Variants in MAP3K5 observed in about 807,000 individuals in gnomAD.
MAP3K5 encodes the protein mitogen-activated protein kinase kinase kinase 5, also known as ASK-1.
MAP3K5 carries 56 observed loss-of-function variants against 158.7 expected under a neutral mutation model. The ratio of observed to expected loss-of-function variants is 0.35; its 90% CI spans 0.28 to 0.44. The LOEUF is 0.44. MAP3K5 is among the 20% of genes least tolerant of loss of function. The probability of loss-of-function intolerance (pLI) is 1.00; values close to 1 mark genes in which losing one functional copy is unlikely to be tolerated. For missense variants in MAP3K5, 1,294 were observed against 1,674.8 expected, an observed-to-expected ratio of 0.77 and a Z score of 3.97; for synonymous variants, 579 against 601.7, an observed-to-expected ratio of 0.96 and a Z score of 0.55.
At chr6:136,696,298 A>G (rs1780597885) in intron 5 of MAP3K5, among the ~76,000 whole-genome samples, 1 of 152,238 alleles carries the variant, frequency 6.6e-6, no homozygotes, top group South Asian at 2.1e-4. Context: ...AAAACTAAAA[A>G]AGCAAAAGAA....
rs918710459 is a variant in MAP3K5, at chr6:136,613,613, T to G, written c.2279-357A>C. Reference sequence around the variant, plus strand: ...GCCTTATTATTTAAGGAATGTGACTTTGTGGCCTGAGTCATATAGCATTCA... The same window carrying G: ...GCCTTATTATTTAAGGAATGTGACTGTGTGGCCTGAGTCATATAGCATTCA... On this transcript the variant is annotated intron_variant, in intron 16 of 29. Transcript: ENST00000359015. This position sits in a 1 kb window ranked among gnomAD's most constrained non-coding sequence, Gnocchi z 4.0. Among the ~76,000 whole-genome samples, 1 of 152,146 alleles carries G rather than the reference T, an allele frequency of 6.6e-6. No homozygotes were observed. Among genetic ancestry groups the G allele is most frequent in the African/African-American group, 2.4e-5 (1 of 41,440 alleles).
At chr6:136,694,638 A>G (rs1214009315) in intron 6 of MAP3K5, among the ~76,000 whole-genome samples, 1 of 152,232 alleles carries the variant, frequency 6.6e-6, no homozygotes. Context: ...TTAGAGTTGT[A>G]GTCTGTGTCT....
chr6:136,724,844 T>C (rs1187090367), intron 1 of MAP3K5, among the ~76,000 whole-genome samples: 1 of 152,158 alleles, frequency 6.6e-6, no homozygotes, highest in Non-Finnish European at 1.5e-5. Flanking sequence ...TAATGGGCTT[T>C]GAAAAATGCG....
chr6:136,754,067 G>A (rs1019767185), intron 1 of MAP3K5, among the ~76,000 whole-genome samples: 4 of 150,946 alleles, frequency 2.6e-5, no homozygotes, highest in Admixed American at 6.6e-5. Flanking sequence ...GAGTCCAGGA[G>A]TTCAACACCA....
chr6:136,621,058 C>CA (rs1776776115), intron 15 of MAP3K5, among the ~76,000 whole-genome samples: 1 of 151,752 alleles, frequency 6.6e-6, no homozygotes, highest in Non-Finnish European at 1.5e-5. Context: ...CTTTTGATGG[C>CA]AAAAATGTAT....
chr6:136,750,196 G>A (rs754987160), intron 1 of MAP3K5, among the ~76,000 whole-genome samples: 5 of 152,122 alleles, frequency 3.3e-5, no homozygotes, highest in South Asian at 2.1e-4. Context: ...TCCTGCTCCA[G>A]CCTCTTGAAT....
At chr6:136,592,405 C>T in intron 22 of MAP3K5, 32 bp downstream of exon 22, 1 of 1,609,550 alleles carries the variant, frequency 6.2e-7, no homozygotes. Context: ...TAACAACACA[C>T]TTCTCTCACC....
intron 25 of MAP3K5, among the ~76,000 whole-genome samples, chr6:136,574,876 A>G (rs1774535993): frequency 6.6e-6 from 1 of 151,774 alleles, no homozygotes; most frequent in Admixed American, 6.6e-5. Context: ...TCTTTAGTAG[A>G]GATGGGGTTT....
At chr6:136,583,447 A>G in intron 24 of MAP3K5, 108 bp downstream of exon 24, 1 of 1,017,968 alleles carries the variant, frequency 9.8e-7, no homozygotes, top group Non-Finnish European at 1.4e-6. Context: ...TCCAAAAAGA[A>G]TAGAGTTCAC....
chr6:136,764,524 A>G (rs1783882521), intron 1 of MAP3K5, among the ~76,000 whole-genome samples: 1 of 152,186 alleles, frequency 6.6e-6, no homozygotes, highest in Non-Finnish European at 1.5e-5. Context: ...AGCTTTGTCA[A>G]ACCCCCAGAT....
intron 14 of MAP3K5, among the ~76,000 whole-genome samples, chr6:136,624,352 T>A (rs1408876177): frequency 2.0e-5 from 3 of 152,010 alleles, no homozygotes; most frequent in South Asian, 4.1e-4. Context: ...CAAAGAAAAA[T>A]ACACAAATAT....
Position 136,651,072 on chromosome 6 carries a change from G to A in MAP3K5, c.1700C>T (p.Thr567Ile), listed in dbSNP as rs777805034. The A allele has an allele frequency of 5.0e-6, 8 of 1,604,116 alleles. No homozygotes were observed. Among genetic ancestry groups the A allele is most frequent in the East Asian group, 4.5e-5 (2 of 44,734 alleles). Residue 567 changes from threonine (T) to isoleucine (I), a missense_variant, in exon 11 of 30, where the codon ACC becomes ATC. Coordinates refer to ENST00000359015, the MANE Select transcript of MAP3K5 (RefSeq NM_005923.4). Reference protein sequence around the residue: ...VRFPVLILEPTKIYQPSYLSI... With the variant: ...VRFPVLILEPIKIYQPSYLSI... ...CAAATAAGAAGGTTGATAGATTTTG[G>A]TTGGTTCTAATATTAATACCTTGAA...
Position 136,592,545 on chromosome 6 carries a change from C to T in MAP3K5, c.2948G>A (p.Gly983Asp), listed in dbSNP as rs1381998206. 1.2e-6 allele frequency: 2 copies of T among 1,613,876 alleles called. No homozygotes were observed. The highest frequency in any genetic ancestry group is 2.7e-5 in the African/African-American group (2 of 74,888). Residue 983 changes from glycine (G) to aspartate (D), a missense_variant, in exon 22 of 30, where the codon GGC becomes GAC. Around this residue, in one of 5 missense-constraint regions of MAP3K5, gnomAD observed 362 missense variants for 463.2 expected, o/e 0.78. Coordinates refer to ENST00000359015, the MANE Select transcript of MAP3K5 (RefSeq NM_005923.4). ...CAACTCCGTGTCGGGTGAAACTGAG[C>T]CGTACTCACTGCTGCTGCTGGTGTC... ...VEDTSSSSEY[G>D]SVSPDTELKV... is the part of the protein sequence containing the mutation.
intron 1 of MAP3K5, among the ~76,000 whole-genome samples, chr6:136,740,137 C>G (rs925380002): frequency 1.1e-4 from 16 of 152,188 alleles, no homozygotes; most frequent in African/African-American, 3.4e-4. Flanking sequence ...GGAGTAGAAT[C>G]AGACAGCTTT....
chr6:136,726,769 T>G (rs1781986936), intron 1 of MAP3K5, among the ~76,000 whole-genome samples: 1 of 152,188 alleles, frequency 6.6e-6, no homozygotes, highest in South Asian at 2.1e-4. Context: ...CAAATCACAA[T>G]TGCTCATTGC....
At position 136,791,846 on chromosome 6, in the gene MAP3K5, T is replaced by C. The variant is rs1265009989; in HGVS notation, c.312A>G (p.Gln104=). The C allele has an allele frequency of 1.9e-6, 3 of 1,613,856 alleles. No individual in the cohort carries two copies. The highest frequency in any genetic ancestry group is 3.3e-5 in the Admixed American group (2 of 60,032). Residue 104 remains glutamine (Q), a synonymous_variant, in exon 1 of 30, where the codon CAA becomes CAG. Transcript: ENST00000359015. ...AYVINEASQG[Q]LVVAESEALQ... is the part of the protein sequence containing the mutation. ...GGGCCTCGCTCTCGGCCACCACCAG[T>C]TGCCCTTGGCTCGCTTCGTTGATCA...
At chr6:136,624,964 A>G (rs912967881) in intron 14 of MAP3K5, among the ~76,000 whole-genome samples, 1 of 152,244 alleles carries the variant, frequency 6.6e-6, no homozygotes, top group African/African-American at 2.4e-5. Context: ...TAGGTAAAAT[A>G]AAACAGACAT....
Position 136,637,425 on chromosome 6 carries a change from C to A in MAP3K5, c.1935-19G>T. Reference sequence around the variant, plus strand: ...AAAAAACCTACAATACAAGTTAGCACGTGAGCATTCATAACACAAACAATA... The same window carrying A: ...AAAAAACCTACAATACAAGTTAGCAAGTGAGCATTCATAACACAAACAATA... On this transcript the variant is annotated intron_variant, in intron 13 of 29. Transcript: ENST00000359015. The A allele has an allele frequency of 7.3e-7, 1 of 1,369,352 alleles. No individual in the cohort carries two copies. Among genetic ancestry groups the A allele is most frequent in the South Asian group, 1.2e-5 (1 of 86,112 alleles). 84.8% of individuals were successfully genotyped at this position (1,369,352 alleles called of 1,614,324 possible).
At chr6:136,590,172 G>T (rs898369523) in intron 23 of MAP3K5, among the ~76,000 whole-genome samples, 3 of 152,134 alleles carry the variant, frequency 2.0e-5, no homozygotes, top group Non-Finnish European at 4.4e-5. Context: ...ACCACGAGTT[G>T]AAGCAGCATG....
Sources: gnomAD v4.1 joint callset for allele counts (sites outside exome capture counted in the v4.1 genomes callset) on GRCh38, gnomAD v4.1.1 for gene constraint, gnomAD v4.1.1 regional missense constraint, Gnocchi (gnomAD v3.1) non-coding constraint, MANE v1.5 for transcripts, NCBI Gene and HGNC (gene_info 2026-07-23, HGNC 2026-07-21) for gene names.